Variants in NUMB observed in about 807,000 individuals in gnomAD.
NUMB encodes the protein NUMB endocytic adaptor protein.
Under a neutral mutation model 59.7 loss-of-function variants are expected in NUMB, and 29 were observed. The observed-to-expected ratio is 0.49, with a 90% CI of 0.36 to 0.66. The LOEUF (loss-of-function observed/expected upper bound fraction) is 0.66. Among genes scored for constraint, NUMB ranks in the 30% least tolerant of loss-of-function variants. NUMB has a pLI of 0.00. For synonymous variants in NUMB, 288 were observed against 288.2 expected (o/e 1.00, Z 0.01); for missense variants, 723 against 822.0 (o/e 0.88, Z 1.47).
At chr14:73,388,138 A>C (rs10135784) in intron 2 of NUMB, among the ~76,000 whole-genome samples, 37,230 of 151,954 alleles carry the variant, frequency 0.25, 4,872 homozygotes, top group Non-Finnish European at 0.26. Flanking sequence ...TCAGTTCCTC[A>C]AACTAGCCAC....
At chr14:73,380,245 G>T (rs1895164341) in intron 2 of NUMB, among the ~76,000 whole-genome samples, 1 of 152,186 alleles carries the variant, frequency 6.6e-6, no homozygotes, top group East Asian at 1.9e-4. Context: ...CTTATGGGTA[G>T]AACTAACAGG....
chr14:73,380,229 C>G (rs565371278), intron 2 of NUMB, among the ~76,000 whole-genome samples: 4 of 152,198 alleles, frequency 2.6e-5, no homozygotes, highest in African/African-American at 9.6e-5. Context: ...GGATTCTGGA[C>G]GTTATCTTAT....
chr14:73,431,572 C>A (rs1897832020), intron 1 of NUMB, among the ~76,000 whole-genome samples: 1 of 151,426 alleles, frequency 6.6e-6, no homozygotes. Context: ...CATGGTGAAA[C>A]CCTGTCTCTA....
At chr14:73,406,513 GTTCCAAGTCTTTGCTAT>G (rs1896680742) in intron 2 of NUMB, among the ~76,000 whole-genome samples, 1 of 152,004 alleles carries the variant, frequency 6.6e-6, no homozygotes, top group Non-Finnish European at 1.5e-5. Context: ...ATTTGGGTTG[GTTCCAAGTCTTTGCTAT>G]TGTGAATAGT....
intron 2 of NUMB, among the ~76,000 whole-genome samples, chr14:73,388,652 C>T (rs1895674568): frequency 1.3e-5 from 2 of 152,106 alleles, no homozygotes; most frequent in African/African-American, 4.8e-5. Context: ...GTATATTTAA[C>T]CAGCCACCTT....
At chr14:73,348,058 A>G (rs1893006442) in intron 4 of NUMB, among the ~76,000 whole-genome samples, 1 of 152,178 alleles carries the variant, frequency 6.6e-6, no homozygotes, top group Non-Finnish European at 1.5e-5. Flanking sequence ...TTCCTTAGTG[A>G]GTGCCCCCAA....
At chr14:73,381,409 G>A (rs567146104) in intron 2 of NUMB, among the ~76,000 whole-genome samples, 32 of 152,084 alleles carry the variant, frequency 2.1e-4, no homozygotes, top group African/African-American at 7.0e-4. Flanking sequence ...AGCTTGAAAC[G>A]ATTTAGCCCT....
At chr14:73,422,266 C>T (rs1259465380) in intron 1 of NUMB, among the ~76,000 whole-genome samples, 1 of 152,084 alleles carries the variant, frequency 6.6e-6, no homozygotes, top group African/African-American at 2.4e-5. Context: ...CATTGAATGT[C>T]AAAACTGGAC....
chr14:73,426,498 G>A (rs1897586371), intron 1 of NUMB, among the ~76,000 whole-genome samples: 1 of 152,070 alleles, frequency 6.6e-6, no homozygotes, highest in Non-Finnish European at 1.5e-5. Context: ...CTTGAGCCCA[G>A]GAGTTTGAGA....
At chr14:73,299,996 AT>A (rs1396213368) in intron 6 of NUMB, among the ~76,000 whole-genome samples, 1 of 152,182 alleles carries the variant, frequency 6.6e-6, no homozygotes, top group Non-Finnish European at 1.5e-5. Context: ...ATTAGATATT[AT>A]ATACAGTACC....
At chr14:73,328,767 T>C (rs1191492635) in intron 4 of NUMB, among the ~76,000 whole-genome samples, 1 of 152,266 alleles carries the variant, frequency 6.6e-6, no homozygotes, top group Non-Finnish European at 1.5e-5. Context: ...AAAATTATGT[T>C]TCTTTCCTGT....
intron 1 of NUMB, among the ~76,000 whole-genome samples, chr14:73,446,393 G>A (rs1448240635): frequency 3.3e-5 from 5 of 151,868 alleles, no homozygotes; most frequent in African/African-American, 1.2e-4. Context: ...AGATCACAAG[G>A]TCAGGAGTTC....
At chr14:73,355,391 C>T (rs896803923) in intron 4 of NUMB, among the ~76,000 whole-genome samples, 1 of 152,180 alleles carries the variant, frequency 6.6e-6, no homozygotes, top group Non-Finnish European at 1.5e-5. Context: ...ACTGACTCCA[C>T]ATTATATAGA....
chr14:73,309,078 G>T, intron 6 of NUMB, among the ~76,000 whole-genome samples: 1 of 151,980 alleles, frequency 6.6e-6, no homozygotes, highest in East Asian at 1.9e-4. Flanking sequence ...GAGGGGAGAG[G>T]GGGTAGCATT....
chr14:73,292,639 T>C (rs1187912767), intron 8 of NUMB, 95 bp downstream of exon 8: 4 of 1,272,218 alleles, frequency 3.1e-6, no homozygotes, highest in East Asian at 2.5e-5. Context: ...AAGTACTTGT[T>C]AAAAATGTAG....
At chr14:73,358,602 C>CT (rs35552161) in intron 3 of NUMB, among the ~76,000 whole-genome samples, 5,022 of 118,560 alleles carry the variant, frequency 0.042, 189 homozygotes, top group Non-Finnish European at 0.06. Context: ...GAAAGCTAGA[C>CT]TTTTTTTTTT....
intron 6 of NUMB, 65 bp from the exon 7 acceptor site, chr14:73,297,350 T>G (rs1889850804): frequency 2.0e-6 from 2 of 1,007,606 alleles, no homozygotes; most frequent in Admixed American, 1.9e-5. Flanking sequence ...AAATGTCATC[T>G]TCCACAGAAA....
intron 4 of NUMB, among the ~76,000 whole-genome samples, chr14:73,347,765 T>G (rs1325175753): frequency 6.6e-6 from 1 of 152,212 alleles, no homozygotes; most frequent in African/African-American, 2.4e-5. Context: ...TGAACAAGCC[T>G]ATTTCACTGC....
At chr14:73,389,654 T>C (rs1249855839) in intron 2 of NUMB, among the ~76,000 whole-genome samples, 1 of 152,196 alleles carries the variant, frequency 6.6e-6, no homozygotes, top group South Asian at 2.1e-4. Flanking sequence ...GCCCGGCCCA[T>C]CTCTTCATTT....
Sources: gnomAD v4.1 joint callset for allele counts (sites outside exome capture counted in the v4.1 genomes callset) on GRCh38, gnomAD v4.1.1 for gene constraint, MANE v1.5 for transcripts, NCBI Gene and HGNC (gene_info 2026-07-23, HGNC 2026-07-21) for gene names.